Variants in TXNDC8 observed in about 807,000 individuals in gnomAD.
The protein encoded by TXNDC8 is thioredoxin domain containing 8.
Under a neutral mutation model 12.9 loss-of-function variants are expected in TXNDC8, and 15 were observed. The observed-to-expected ratio is 1.16, with a 90% CI of 0.78 to 1.79. The LOEUF is 1.79. TXNDC8 is among the 40% of genes most tolerant of loss of function. TXNDC8 has a pLI of 0.00. For synonymous variants in TXNDC8, 40 were observed against 35.4 expected, an observed-to-expected ratio of 1.13 and a Z score of -0.46; for missense variants, 128 against 113.2, an observed-to-expected ratio of 1.13 and a Z score of -0.59.
chr9:110,327,459 A>G (rs1242892058), intron 2 of TXNDC8, among the ~76,000 whole-genome samples: 1 of 151,904 alleles, frequency 6.6e-6, no homozygotes, highest in African/African-American at 2.4e-5. Context: ...AGTAGCTGGG[A>G]TTACAGGTGT....
chr9:110,325,599 C>T (rs933523551), intron 3 of TXNDC8, among the ~76,000 whole-genome samples: 6 of 149,448 alleles, frequency 4.0e-5, no homozygotes, highest in Non-Finnish European at 8.8e-5. Context: ...TGGCTCACTG[C>T]AAGCTCCGCG....
At chr9:110,314,436 T>TTC (rs1192299996) in intron 3 of TXNDC8, among the ~76,000 whole-genome samples, 2 of 127,516 alleles carry the variant, frequency 1.6e-5, no homozygotes, top group African/African-American at 5.9e-5. Flanking sequence ...TTTTTCTTTT[T>TTC]TCTTTTTTTT....
downstream of TXNDC8, among the ~76,000 whole-genome samples, chr9:110,302,859 T>A (rs1587942632): frequency 6.6e-6 from 1 of 150,710 alleles, no homozygotes; most frequent in Non-Finnish European, 1.5e-5. Context: ...AGGGCAGGAG[T>A]TTGAGACCAG....
intron 3 of TXNDC8, among the ~76,000 whole-genome samples, chr9:110,313,257 T>A (rs1423651629): frequency 2.0e-5 from 3 of 152,036 alleles, no homozygotes; most frequent in Non-Finnish European, 2.9e-5. Flanking sequence ...TTTCCCCCAA[T>A]TTTTCCTAAT....
intron 2 of TXNDC8, among the ~76,000 whole-genome samples, chr9:110,332,728 G>A (rs1023867008): frequency 2.0e-5 from 3 of 152,094 alleles, no homozygotes; most frequent in African/African-American, 4.8e-5. Flanking sequence ...AAACTGTTAT[G>A]TAGGATATTA....
chr9:110,327,146 C>T (rs1051599076), intron 2 of TXNDC8, among the ~76,000 whole-genome samples: 3 of 152,314 alleles, frequency 2.0e-5, no homozygotes, highest in Admixed American at 6.5e-5. Flanking sequence ...TCAGAGCTCT[C>T]ATCCATTGCT....
rs543249854 is a variant in TXNDC8, at chr9:110,315,859, G to A, written c.195+10316C>T. Among the ~76,000 whole-genome samples, 284 of 149,826 alleles carry A rather than the reference G, an allele frequency of 1.9e-3. 1 individual carries two copies. Among genetic ancestry groups the A allele is most frequent in the African/African-American group, 6.5e-3 (263 of 40,726 alleles). On this transcript the variant is annotated intron_variant, in intron 3 of 4. Transcript: ENST00000423740. ...CGGCAGGGGAGGGGGTTGAGGGGGC[G>A]GGGGGCGCAGGCTGTAGAAATGTAT...
chr9:110,336,066 C>A (rs938453969), intron 1 of TXNDC8, among the ~76,000 whole-genome samples: 1 of 152,212 alleles, frequency 6.6e-6, no homozygotes, highest in Admixed American at 6.5e-5. Context: ...CCCCTGCACA[C>A]GCTGTCTTGC....
At chr9:110,311,221 C>A (rs71501624) in intron 3 of TXNDC8, among the ~76,000 whole-genome samples, 11,054 of 151,928 alleles carry the variant, frequency 0.073, 428 homozygotes, top group Middle Eastern at 0.096. Flanking sequence ...TTACATAAAT[C>A]ATCTAGGTAA....
chr9:110,314,050 A>G (rs1838786707), intron 3 of TXNDC8, among the ~76,000 whole-genome samples: 1 of 152,246 alleles, frequency 6.6e-6, no homozygotes, highest in East Asian at 1.9e-4. Context: ...GGGAAAAGTC[A>G]AGCTGGGAAC....
rs115292130 is a variant in TXNDC8 at position 110,330,181 on chromosome 9, G to A, written c.130-3941C>T. On this transcript the variant is annotated intron_variant, in intron 2 of 4. Transcript: ENST00000423740. ...AATCATATCTCATGTATTTCTAGTC[G>A]CTTATTTCTGTTGATCTAACTCTAA... is the stretch of plus-strand genomic sequence containing the variant. Among the ~76,000 whole-genome samples the A allele has an allele frequency of 2.2e-3, 330 of 152,198 alleles. 2 individuals carry two copies. The highest frequency in any genetic ancestry group is 7.2e-3 in the African/African-American group (299 of 41,510).
downstream of TXNDC8, chr9:110,303,384 G>T: frequency 1.0e-6 from 1 of 974,034 alleles, no homozygotes; most frequent in Non-Finnish European, 1.4e-6. Context: ...CAGTGAGATT[G>T]CATTATGGTA....
At chr9:110,307,725 G>T (rs1470855524) in intron 3 of TXNDC8, among the ~76,000 whole-genome samples, 1 of 152,170 alleles carries the variant, frequency 6.6e-6, no homozygotes, top group Non-Finnish European at 1.5e-5. Context: ...ATGCTAATCA[G>T]AAACTCAAAA....
chr9:110,311,678 TTATA>T lies in TXNDC8; in HGVS notation c.196-7150_196-7147del, dbSNP rs368580581. ...ATGGATATAGTAATATAGTATATCC[TTATA>T]TATATATATATATACATGGATATAC... On this transcript the variant is annotated intron_variant, in intron 3 of 4. Transcript: ENST00000423740. 2.3e-3 allele frequency among the ~76,000 whole-genome samples: 264 copies of T among 115,702 alleles called. 1 individual carries two copies. Among genetic ancestry groups the T allele is most frequent in the African/African-American group, 8.5e-3 (236 of 27,714 alleles). 75.9% of individuals were successfully genotyped at this position (115,702 alleles called of 152,430 possible).
chr9:110,323,386 T>A, intron 3 of TXNDC8: 7 of 925,748 alleles, frequency 7.6e-6, no homozygotes, highest in Non-Finnish European at 9.0e-6. Context: ...ATATAGAAGC[T>A]CATTAGTTAA....
chr9:110,332,326 G>A (rs1839578247), intron 2 of TXNDC8, among the ~76,000 whole-genome samples: 2 of 152,180 alleles, frequency 1.3e-5, no homozygotes, highest in Non-Finnish European at 2.9e-5. Flanking sequence ...AAAGTGCTGA[G>A]ATTACAGGCA....
intron 3 of TXNDC8, among the ~76,000 whole-genome samples, chr9:110,324,751 A>G (rs937789081): frequency 2.0e-5 from 3 of 152,188 alleles, no homozygotes; most frequent in Non-Finnish European, 4.4e-5. Context: ...TGTGTCTCCT[A>G]CATATGTTTG....
chr9:110,303,598 A>G lies in TXNDC8; in HGVS notation c.*84T>C. 1.3e-6 allele frequency: 2 copies of G among 1,558,310 alleles called. No individual in the cohort carries two copies. The highest frequency in any genetic ancestry group is 2.3e-5 in the South Asian group (2 of 86,324). On this transcript the variant is annotated 3_prime_UTR_variant, in exon 5 of 5. Transcript: ENST00000423740. ...AACTCAAAAATCTGTTCACAAATGC[A>G]CAAAGGTGAAACATTTATTGATTCA... is the stretch of plus-strand genomic sequence containing the variant.
intron 3 of TXNDC8, among the ~76,000 whole-genome samples, chr9:110,324,965 A>G (rs1288978374): frequency 7.2e-5 from 11 of 152,178 alleles, no homozygotes; most frequent in Admixed American, 7.2e-4. Context: ...TACAAAAATT[A>G]GCTGGGCATG....
Sources: allele counts gnomAD v4.1 joint callset (sites outside exome capture counted in the v4.1 genomes callset), GRCh38; gene constraint gnomAD v4.1.1; transcripts MANE v1.5; gene names NCBI Gene and HGNC (gene_info 2026-07-23, HGNC 2026-07-21).